Variants in KDM2A observed in about 807,000 individuals in gnomAD.
The protein encoded by KDM2A is lysine demethylase 2A.
Under a neutral mutation model 137.3 loss-of-function variants are expected in KDM2A, and 3 were observed. The ratio of observed to expected loss-of-function variants is 0.02; its 90% CI spans 0.01 to 0.06. The LOEUF (loss-of-function observed/expected upper bound fraction) is 0.06. Ranked by LOEUF, KDM2A falls within the 10% of genes least tolerant of loss-of-function variation. The probability of loss-of-function intolerance (pLI) is 1.00; values close to 1 mark genes in which losing one functional copy is unlikely to be tolerated. For synonymous variants in KDM2A, 512 were observed against 541.5 expected, an observed-to-expected ratio of 0.95 and a Z score of 0.76; for missense variants, 738 against 1,510.6, an observed-to-expected ratio of 0.49 and a Z score of 8.48.
chr11:67,124,763 C>G (rs1386630352), intron 2 of KDM2A, among the ~76,000 whole-genome samples: 1 of 151,494 alleles, frequency 6.6e-6, no homozygotes, highest in Non-Finnish European at 1.5e-5. Context: ...ATACATTAAC[C>G]CTTAACTAGC....
chr11:67,176,173 C>T (rs1261955980), intron 2 of KDM2A, among the ~76,000 whole-genome samples: 2 of 152,026 alleles, frequency 1.3e-5, no homozygotes, highest in Non-Finnish European at 2.9e-5. Context: ...ACTAGATTTC[C>T]CTTTTGTGTT....
At chr11:67,217,953 A>T in intron 9 of KDM2A, 69 bp downstream of exon 9, 1 of 1,332,666 alleles carries the variant, frequency 7.5e-7, no homozygotes, top group Non-Finnish European at 1.0e-6. Flanking sequence ...TTGATGGATT[A>T]CCACCAAGAA....
At chr11:67,182,087 A>G (rs1419554220) in intron 5 of KDM2A, among the ~76,000 whole-genome samples, 195 bp downstream of exon 5, 1 of 152,226 alleles carries the variant, frequency 6.6e-6, no homozygotes, top group African/African-American at 2.4e-5. Flanking sequence ...CATTAAACCT[A>G]GAAAGTTGGA....
intron 2 of KDM2A, among the ~76,000 whole-genome samples, chr11:67,139,872 C>G (rs953704062): frequency 3.3e-5 from 5 of 151,590 alleles, no homozygotes; most frequent in Non-Finnish European, 4.4e-5. Flanking sequence ...CCATGCCTGG[C>G]TATTTTTGTA....
chr11:67,152,036 C>T (rs190616293), intron 2 of KDM2A, among the ~76,000 whole-genome samples: 200 of 152,238 alleles, frequency 1.3e-3, no homozygotes, highest in African/African-American at 4.2e-3. Flanking sequence ...AATTTCCCGC[C>T]GGGTGCAGTG....
chr11:67,256,583 C>T lies in KDM2A; in HGVS notation c.*1528C>T, dbSNP rs1009056941. ...CCTTTCTGGCCCTCTTCCTGTAGCC[C>T]AGTCTCAGGCTTTCCTCTTCCTGAA... On this transcript the variant is annotated 3_prime_UTR_variant, in exon 21 of 21. Transcript: ENST00000529006. 1 of 152,690 alleles carries T rather than the reference C, an allele frequency of 6.5e-6. No homozygotes were observed. The highest frequency in any genetic ancestry group is 1.5e-5 in the Non-Finnish European group (1 of 68,096). 9.5% of individuals were successfully genotyped at this position (152,690 alleles called of 1,614,324 possible).
chr11:67,140,694 A>G (rs900848105), intron 2 of KDM2A, among the ~76,000 whole-genome samples: 1 of 152,138 alleles, frequency 6.6e-6, no homozygotes, highest in South Asian at 2.1e-4. Context: ...CGGAGGTTGC[A>G]GTGAGCCAAG....
chr11:67,181,511 C>T (rs781382260), intron 4 of KDM2A, 113 bp downstream of exon 4: 1 of 686,308 alleles, frequency 1.5e-6, no homozygotes, highest in Non-Finnish European at 2.4e-6. Context: ...AAATAATTTC[C>T]CACTTTGTTT....
At chr11:67,228,841 A>G (rs1030763188) in intron 11 of KDM2A, among the ~76,000 whole-genome samples, 8 of 152,024 alleles carry the variant, frequency 5.3e-5, no homozygotes, top group Admixed American at 1.3e-4. Context: ...GGCTCAAGCA[A>G]TCCCCCTCCT....
chr11:67,134,214 G>A (rs1458096876), intron 2 of KDM2A, among the ~76,000 whole-genome samples: 1 of 152,228 alleles, frequency 6.6e-6, no homozygotes, highest in Non-Finnish European at 1.5e-5. Flanking sequence ...ATTTAAAGCA[G>A]ATTCTCAACT....
chr11:67,137,334 A>G lies in KDM2A; in HGVS notation c.42+15976A>G, dbSNP rs11825309. 6.6e-3 allele frequency among the ~76,000 whole-genome samples: 1,007 copies of G among 152,308 alleles called. 12 individuals are homozygous for G. Among genetic ancestry groups the G allele is most frequent in the African/African-American group, 0.022 (935 of 41,566 alleles). Reference sequence around the variant, plus strand: ...GTTTGGACCAATGTCAGTGGTTGCAATGTAGAGAAAGGGTCAGGGAGAGGG... The same window carrying G: ...GTTTGGACCAATGTCAGTGGTTGCAGTGTAGAGAAAGGGTCAGGGAGAGGG... On this transcript the variant is annotated intron_variant, in intron 2 of 20. Transcript: ENST00000529006.
Position 67,252,846 on chromosome 11 carries a change from A to G in KDM2A, c.2921A>G (p.Asn974Ser), listed in dbSNP as rs759438603. ...AAAAAGCAACTGACATGGCTCGTCA[A>G]TAGGCTGCCAGGTAAGTGAGCAGCC... ...ISKKQLTWLV[N>S]RLPGLKDLLL... Residue 974 changes from asparagine to serine, a missense_variant, in exon 18 of 21, where the codon AAT becomes AGT. Asn to Ser is a conservative substitution (Grantham distance 46, BLOSUM62 1). Transcript: ENST00000529006. 15 of 1,606,158 alleles carry G rather than the reference A, an allele frequency of 9.3e-6. No individual in the cohort carries two copies. The East Asian group carries it at 1.1e-4, about 12-fold the overall frequency.
At chr11:67,194,393 C>T (rs1442506542) in intron 5 of KDM2A, among the ~76,000 whole-genome samples, 2 of 152,120 alleles carry the variant, frequency 1.3e-5, no homozygotes, top group African/African-American at 2.4e-5. Flanking sequence ...CTTTCTGAGG[C>T]GTAGGTCCTC....
intron 5 of KDM2A, among the ~76,000 whole-genome samples, chr11:67,183,019 T>C (rs1048551552): frequency 3.9e-5 from 6 of 152,260 alleles, no homozygotes; most frequent in Non-Finnish European, 5.9e-5. Flanking sequence ...CTTGTTAGAC[T>C]ACCGACTCTT....
At chr11:67,135,129 C>T (rs1256234988) in intron 2 of KDM2A, among the ~76,000 whole-genome samples, 5 of 151,038 alleles carry the variant, frequency 3.3e-5, no homozygotes, top group South Asian at 2.1e-4. Context: ...AGTGCAATGG[C>T]GCGATCTCGT....
chr11:67,185,895 C>T (rs980547658), intron 5 of KDM2A, among the ~76,000 whole-genome samples: 31 of 151,816 alleles, frequency 2.0e-4, no homozygotes, highest in African/African-American at 7.5e-4. Flanking sequence ...TTTTAGACTT[C>T]CCAGCCTCCA....
chr11:67,163,583 G>A (rs971535805), intron 2 of KDM2A, among the ~76,000 whole-genome samples: 2 of 152,148 alleles, frequency 1.3e-5, no homozygotes, highest in Admixed American at 6.5e-5. Context: ...GCCAGATGCC[G>A]TGGCTCACGC....
chr11:67,214,190 G>A (rs1288237548), intron 6 of KDM2A, among the ~76,000 whole-genome samples: 6 of 141,962 alleles, frequency 4.2e-5, no homozygotes, highest in Admixed American at 1.5e-4. Context: ...ACAGGCATGC[G>A]CCACCATGCG....
At chr11:67,135,431 G>A (rs1855951513) in intron 2 of KDM2A, among the ~76,000 whole-genome samples, 1 of 152,124 alleles carries the variant, frequency 6.6e-6, no homozygotes, top group Non-Finnish European at 1.5e-5. Flanking sequence ...GCTGTTGTGA[G>A]CAAATGTTAA....
Sources: allele counts gnomAD v4.1 joint callset (sites outside exome capture counted in the v4.1 genomes callset), GRCh38; gene constraint gnomAD v4.1.1; transcripts MANE v1.5; gene names NCBI Gene and HGNC (gene_info 2026-07-23, HGNC 2026-07-21).